The following TANC1 variants were observed in gnomAD, a reference collection of about 807,000 sequenced individuals.
TANC1 encodes the protein tetratricopeptide repeat, ankyrin repeat and coiled-coil containing 1.
A neutral mutation model predicts 149.7 loss-of-function variants in TANC1; 77 were observed. That is an observed-to-expected ratio of 0.51 (90% CI 0.43 to 0.62). TANC1 has a LOEUF of 0.62. TANC1 is among the 20% of genes least tolerant of loss of function. The pLI is 0.00. For missense variants in TANC1, 1,985 were observed against 2,321.8 expected, an observed-to-expected ratio of 0.85 and a Z score of 2.98; for synonymous variants, 854 against 925.0, an observed-to-expected ratio of 0.92 and a Z score of 1.39.
chr2:159,017,764 C>T (rs1477154952), intron 2 of TANC1, among the ~76,000 whole-genome samples: 5 of 151,816 alleles, frequency 3.3e-5, no homozygotes, highest in African/African-American at 1.2e-4. Context: ...GCACGCGGGA[C>T]TTCAAACCTA....
At chr2:159,116,502 T>A (rs2150060097) in intron 4 of TANC1, among the ~76,000 whole-genome samples, 1 of 151,630 alleles carries the variant, frequency 6.6e-6, no homozygotes, top group Non-Finnish European at 1.5e-5. Context: ...ATATGGCAAT[T>A]GATGACCTTT....
chr2:159,070,326 T>C (rs1316385977), intron 3 of TANC1, among the ~76,000 whole-genome samples: 3 of 152,050 alleles, frequency 2.0e-5, no homozygotes, highest in Non-Finnish European at 4.4e-5. Flanking sequence ...TCAGAGATTT[T>C]CCCCCACACA....
At chr2:159,127,760 G>A (rs938419719) in intron 4 of TANC1, among the ~76,000 whole-genome samples, 10 of 152,238 alleles carry the variant, frequency 6.6e-5, no homozygotes, top group Admixed American at 3.9e-4. Context: ...TGTATGTGGG[G>A]CTTAATACCT....
intron 1 of TANC1, among the ~76,000 whole-genome samples, chr2:158,972,094 C>T (rs1053364354): frequency 2.0e-5 from 3 of 152,172 alleles, no homozygotes; most frequent in African/African-American, 7.2e-5. Flanking sequence ...ACTTTCTCCT[C>T]AAGAGAGTTT....
intron 6 of TANC1, chr2:159,149,813 A>G (rs977802458): frequency 1.2e-5 from 2 of 173,022 alleles, no homozygotes; most frequent in Non-Finnish European, 2.5e-5. Flanking sequence ...CTGAATAGCA[A>G]TGCAGGATGG....
chr2:159,141,358 G>C (rs112462304), intron 5 of TANC1, among the ~76,000 whole-genome samples: 1 of 152,144 alleles, frequency 6.6e-6, no homozygotes, highest in South Asian at 2.1e-4. Flanking sequence ...AAGAGACTAC[G>C]GTTAAGAATG....
At chr2:159,136,163 A>G (rs1574900880) in intron 4 of TANC1, 31 bp from the exon 5 acceptor site, 1 of 1,338,064 alleles carries the variant, frequency 7.5e-7, no homozygotes, top group East Asian at 2.3e-5. Flanking sequence ...TCTGGAAAAA[A>G]TTAGCCACAC....
intron 2 of TANC1, among the ~76,000 whole-genome samples, chr2:159,042,936 G>A (rs577019499): frequency 2.0e-5 from 3 of 152,236 alleles, no homozygotes; most frequent in South Asian, 4.1e-4. Context: ...AAAACATTTC[G>A]TTGTGGACTG....
chr2:159,168,552 C>T (rs185365792), intron 8 of TANC1, among the ~76,000 whole-genome samples: 17 of 152,052 alleles, frequency 1.1e-4, no homozygotes, highest in African/African-American at 3.6e-4. Flanking sequence ...TCCACCCGCC[C>T]CAGCCTCCCA....
chr2:159,157,240 A>G (rs2053536780), intron 7 of TANC1, among the ~76,000 whole-genome samples: 1 of 152,078 alleles, frequency 6.6e-6, no homozygotes, highest in Non-Finnish European at 1.5e-5. Flanking sequence ...AGGTGGCTTA[A>G]GTGCCTTCAC....
intron 4 of TANC1, among the ~76,000 whole-genome samples, 192 bp from the exon 5 acceptor site, chr2:159,136,002 T>TTGTG (rs754052800): frequency 0.03 from 3,196 of 107,732 alleles, 78 homozygotes; most frequent in African/African-American, 0.048. Flanking sequence ...TACTGAAATT[T>TTGTG]TGTGTGTGTG....
chr2:159,122,823 T>C (rs2048998808), intron 4 of TANC1, among the ~76,000 whole-genome samples: 1 of 152,000 alleles, frequency 6.6e-6, no homozygotes, highest in African/African-American at 2.4e-5. Flanking sequence ...CATTTTGCAT[T>C]TTCACCAACA....
rs146011730 is a variant in TANC1, at chr2:158,971,832, C to A, written c.-126+3050C>A. Among the ~76,000 whole-genome samples the A allele has an allele frequency of 1.3e-3, 201 of 152,292 alleles. 1 individual carries two copies. Among genetic ancestry groups the A allele is most frequent in the African/African-American group, 4.7e-3 (196 of 41,570 alleles). ...ACCCTTTATTTGAATAAACCAAGGCCTAGAAAGTTAAATTAGACCTGTATC... is the reference window on the plus strand; with the variant it reads ...ACCCTTTATTTGAATAAACCAAGGCATAGAAAGTTAAATTAGACCTGTATC... On this transcript the variant is annotated intron_variant, in intron 1 of 26. Transcript: ENST00000263635.
At chr2:159,098,833 T>G (rs264635) in intron 4 of TANC1, among the ~76,000 whole-genome samples, 1 of 152,008 alleles carries the variant, frequency 6.6e-6, no homozygotes, top group South Asian at 2.1e-4. Context: ...TTCTTGGATT[T>G]TTTTTTTTTA....
intron 2 of TANC1, among the ~76,000 whole-genome samples, chr2:159,017,023 G>A (rs893781456): frequency 1.9e-4 from 28 of 149,414 alleles, no homozygotes; most frequent in East Asian, 8.1e-4. Flanking sequence ...ATTTATCTCC[G>A]CCCTGTTTGA....
At chr2:159,084,249 CAAA>C (rs1281211316) in intron 3 of TANC1, among the ~76,000 whole-genome samples, 1 of 126,700 alleles carries the variant, frequency 7.9e-6, no homozygotes, top group Admixed American at 8.2e-5. Context: ...GACTCCATCT[CAAA>C]AAAAAAAAAA....
At chr2:159,202,722 G>C (rs1476710990) in intron 19 of TANC1, among the ~76,000 whole-genome samples, 1 of 152,126 alleles carries the variant, frequency 6.6e-6, no homozygotes, top group Non-Finnish European at 1.5e-5. Context: ...TTGGCTCGGT[G>C]ATATTCACAG....
At chr2:158,981,544 A>AG (rs1559096628) in intron 1 of TANC1, among the ~76,000 whole-genome samples, 1 of 84,694 alleles carries the variant, frequency 1.2e-5, no homozygotes, top group African/African-American at 3.9e-5. Context: ...TATATATATA[A>AG]AGAAGTAACA....
At position 159,219,105 on chromosome 2, in the gene TANC1, A is replaced by T. The variant is rs79505999; in HGVS notation, c.3379-133A>T. On this transcript the variant is annotated intron_variant, in intron 20 of 26. Coordinates refer to ENST00000263635, the MANE Select transcript of TANC1 (RefSeq NM_033394.3). ...ACAGTGGAAAGATTTTCCAGGCCCC[A>T]TGGTTCACACAACTTACAGATTTTT... is the stretch of plus-strand genomic sequence containing the variant. 5.9e-6 allele frequency: 7 copies of T among 1,189,144 alleles called. No individual in the cohort carries two copies. In the East Asian group the frequency reaches 1.7e-4, roughly 28 times the overall value. The allele number at this position is 1,189,144 out of a possible 1,614,324, so 73.7% of individuals were successfully genotyped here. A position where few individuals can be genotyped will look rare whatever the true frequency, so the allele number is the denominator to read the frequency against.
Sources: gnomAD v4.1 joint callset for allele counts (sites outside exome capture counted in the v4.1 genomes callset) on GRCh38, gnomAD v4.1.1 for gene constraint, MANE v1.5 for transcripts, NCBI Gene and HGNC (gene_info 2026-07-23, HGNC 2026-07-21) for gene names.